CASP8: variants seen among roughly 807,000 people sequenced by gnomAD.
The protein encoded by CASP8 is caspase-8.
Under a neutral mutation model 46.3 loss-of-function variants are expected in CASP8, and 24 were observed. That is an observed-to-expected ratio of 0.52 (90% CI 0.38 to 0.73). The LOEUF is 0.73. Among genes scored for constraint, CASP8 ranks in the 30% least tolerant of loss-of-function variants. The probability of loss-of-function intolerance (pLI) is 0.00; values close to 1 mark genes in which losing one functional copy is unlikely to be tolerated. For missense variants in CASP8, 460 were observed against 559.0 expected, an observed-to-expected ratio of 0.82 and a Z score of 1.79; for synonymous variants, 188 against 200.4, an observed-to-expected ratio of 0.94 and a Z score of 0.52.
At chr2:201,256,055 C>T (rs573109302), upstream of CASP8, among the ~76,000 whole-genome samples, 25 of 152,346 alleles carry the variant, frequency 1.6e-4, no homozygotes, top group Admixed American at 1.6e-3. Flanking sequence ...ACTGCACCCA[C>T]AGCCTATTTA....
chr2:201,281,688 G>A (rs996338635), intron 7 of CASP8: 1 of 365,466 alleles, frequency 2.7e-6, no homozygotes, highest in Admixed American at 4.6e-5. Context: ...AAATTGTTTT[G>A]TTTTTTTCTG....
chr2:201,242,263 A>G (rs1260311138), intron 2 of CASP8: 1 of 152,256 alleles, frequency 6.6e-6, no homozygotes, highest in Non-Finnish European at 1.5e-5. Context: ...GCCTTAGTCC[A>G]TTCAGCCTGC....
intron 2 of CASP8, among the ~76,000 whole-genome samples, chr2:201,244,968 A>G (rs1226914653): frequency 6.6e-6 from 1 of 152,216 alleles, no homozygotes; most frequent in Non-Finnish European, 1.5e-5. Context: ...CCTGAGATGC[A>G]TAGTCCAGGC....
chr2:201,257,649 C>T (rs554234102), upstream of CASP8, among the ~76,000 whole-genome samples: 7 of 152,110 alleles, frequency 4.6e-5, no homozygotes, highest in East Asian at 1.3e-3. Context: ...AGGGCTGAGC[C>T]GAGCAGGGCT....
intron 2 of CASP8, chr2:201,242,167 A>G (rs1475151063): frequency 1.3e-5 from 2 of 152,216 alleles, no homozygotes; most frequent in African/African-American, 4.8e-5. Flanking sequence ...ATAGTAATTG[A>G]AACAGCATGG....
At chr2:201,269,658 G>C in intron 2 of CASP8, 1 of 1,284,274 alleles carries the variant, frequency 7.8e-7, no homozygotes, top group Admixed American at 1.9e-5. Flanking sequence ...AAAAGGGTCC[G>C]GGCAATCCTG....
At chr2:201,256,121 C>A (rs577307347), upstream of CASP8, among the ~76,000 whole-genome samples, 16 of 152,294 alleles carry the variant, frequency 1.1e-4, 1 homozygote, top group South Asian at 3.3e-3. Flanking sequence ...GTTTTATCTC[C>A]CACAGTTTTG....
chr2:201,286,335 T>C, intron 8 of CASP8, 124 bp from the exon 9 acceptor site: 1 of 1,245,158 alleles, frequency 8.0e-7, no homozygotes, highest in Non-Finnish European at 1.2e-6. Context: ...TCGCACCTTA[T>C]TGTTTCAAAT....
chr2:201,273,759 C>T (rs1239288614), intron 5 of CASP8, among the ~76,000 whole-genome samples: 1 of 151,938 alleles, frequency 6.6e-6, no homozygotes, highest in Non-Finnish European at 1.5e-5. Flanking sequence ...ACAACAGCCT[C>T]GACCTCCTGG....
intron 1 of CASP8, among the ~76,000 whole-genome samples, chr2:201,262,660 T>A (rs12618279): frequency 0.11 from 16,796 of 152,170 alleles, 1,486 homozygotes; most frequent in South Asian, 0.28. Context: ...ATGAAACAAG[T>A]GTTACTTTTA....
At chr2:201,265,242 G>C (rs1490510498) in intron 1 of CASP8, among the ~76,000 whole-genome samples, 1 of 152,170 alleles carries the variant, frequency 6.6e-6, no homozygotes, top group East Asian at 1.9e-4. Flanking sequence ...TGGGTGTGGT[G>C]GTGTGTCCCT....
intron 2 of CASP8, among the ~76,000 whole-genome samples, chr2:201,251,055 A>G (rs1441277607): frequency 6.6e-6 from 1 of 152,200 alleles, no homozygotes; most frequent in Non-Finnish European, 1.5e-5. Flanking sequence ...CATTCAATTA[A>G]GGCTCTTCCA....
intron 2 of CASP8, among the ~76,000 whole-genome samples, chr2:201,247,013 G>A (rs1946553311): frequency 6.6e-6 from 1 of 151,748 alleles, no homozygotes; most frequent in Admixed American, 6.6e-5. Flanking sequence ...TGGCCAAGAT[G>A]GTGAAACCCT....
chr2:201,266,698 G>A lies in CASP8; in HGVS notation c.212G>A (p.Arg71Lys). The change falls in exon 2 of 9, where the codon AGA becomes AAA. Residue 71 changes from arginine (R) to lysine (K), a missense_variant. Physicochemically the swap from Arg to Lys is conservative, Grantham distance 26. Transcript: ENST00000673742. This position sits in a 1 kb window ranked among gnomAD's most constrained non-coding sequence, Gnocchi z 5.7. ...FLKELLFRIN[R>K]LDLLITYLNT... ...AAGGAGCTGCTCTTCCGAATTAATA[G>A]ACTGGATTTGCTGATTACCTACCTA... is the stretch of plus-strand genomic sequence containing the variant. 1 of 1,614,116 alleles carries A rather than the reference G, an allele frequency of 6.2e-7. No homozygotes were observed. The highest frequency in any genetic ancestry group is 1.1e-5 in the South Asian group (1 of 91,068).
chr2:201,271,373 C>T, intron 2 of CASP8, 143 bp from the exon 3 acceptor site: 1 of 696,810 alleles, frequency 1.4e-6, no homozygotes, highest in Non-Finnish European at 2.6e-6. Context: ...AGCCTCTTTC[C>T]AAGGGCTCAA....
chr2:201,270,365 G>C (rs1230823874), intron 2 of CASP8, among the ~76,000 whole-genome samples: 1 of 152,164 alleles, frequency 6.6e-6, no homozygotes, highest in South Asian at 2.1e-4. Context: ...ATTATCTTCA[G>C]TCTATGGACG....
chr2:201,262,574 G>T lies in CASP8; in HGVS notation c.-27+1961G>T, dbSNP rs1190021115. ...AAATTGGGAAAAGGCCACAAAATGT[G>T]ACCAAAGAATTACTTCCAAATGGCA... On this transcript the variant is annotated intron_variant, in intron 1 of 8. Transcript: ENST00000673742. Among the ~76,000 whole-genome samples, 53 of 152,054 alleles carry T rather than the reference G, an allele frequency of 3.5e-4. 1 individual carries two copies.
chr2:201,234,358 C>A (rs2126081481), intron 2 of CASP8, among the ~76,000 whole-genome samples: 1 of 152,316 alleles, frequency 6.6e-6, no homozygotes, highest in South Asian at 2.1e-4. Context: ...TAGTGCGGGA[C>A]CCCACAACTG....
intron 2 of CASP8, among the ~76,000 whole-genome samples, chr2:201,250,990 T>C (rs1258273842): frequency 6.6e-6 from 1 of 152,216 alleles, no homozygotes; most frequent in Non-Finnish European, 1.5e-5. Context: ...GAATGTCACA[T>C]AGTTGGAATC....
Sources: gnomAD v4.1 joint callset for allele counts (sites outside exome capture counted in the v4.1 genomes callset) on GRCh38, gnomAD v4.1.1 for gene constraint, Gnocchi (gnomAD v3.1) non-coding constraint, MANE v1.5 for transcripts, NCBI Gene and HGNC (gene_info 2026-07-23, HGNC 2026-07-21) for gene names.